The following CTIF variants were observed in gnomAD, a reference collection of about 807,000 sequenced individuals.
CTIF encodes CBP80/20-dependent translation initiation factor.
Under a neutral mutation model 66.0 loss-of-function variants are expected in CTIF, and 21 were observed. The ratio of observed to expected loss-of-function variants is 0.32; its 90% CI spans 0.23 to 0.46. The LOEUF (loss-of-function observed/expected upper bound fraction) is 0.46, where lower values mean the gene tolerates loss of function less well. Ranked by LOEUF, CTIF falls within the 20% of genes least tolerant of loss-of-function variation. CTIF has a pLI of 1.00. For missense variants in CTIF, 739 were observed against 812.7 expected (o/e 0.91, Z 1.10); for synonymous variants, 345 against 326.4 (o/e 1.06, Z -0.62).
chr18:48,733,824 A>G (rs34618417), intron 7 of CTIF, among the ~76,000 whole-genome samples: 23,021 of 151,952 alleles, frequency 0.15, 1,862 homozygotes, highest in South Asian at 0.2. Flanking sequence ...CTTGCTCCCA[A>G]CTCACCCTCG....
At chr18:48,701,427 T>TGTTCAAGTCTTTCCTGG (rs1231310822) in intron 6 of CTIF, among the ~76,000 whole-genome samples, 1 of 152,224 alleles carries the variant, frequency 6.6e-6, no homozygotes, top group Non-Finnish European at 1.5e-5. Context: ...AAGTGGCCTG[T>TGTTCAAGTCTTTCCTGG]GTTCAAGTCT....
intron 3 of CTIF, among the ~76,000 whole-genome samples, chr18:48,651,763 T>C (rs2091159502): frequency 6.6e-6 from 1 of 152,196 alleles, no homozygotes; most frequent in African/African-American, 2.4e-5. Flanking sequence ...CACAACAAAC[T>C]GTCTCTCAGA....
At chr18:48,753,584 C>T (rs576341531) in intron 7 of CTIF, among the ~76,000 whole-genome samples, 3 of 150,888 alleles carry the variant, frequency 2.0e-5, no homozygotes, top group Non-Finnish European at 3.0e-5. Context: ...AAGCATAAAC[C>T]GACAATTTCC....
At chr18:48,741,910 C>T (rs2092558391) in intron 7 of CTIF, among the ~76,000 whole-genome samples, 1 of 152,188 alleles carries the variant, frequency 6.6e-6, no homozygotes, top group Admixed American at 6.5e-5. Context: ...CCACTGGGAC[C>T]AAGGGCTTGA....
At chr18:48,591,623 A>T (rs931159250) in intron 1 of CTIF, among the ~76,000 whole-genome samples, 1 of 152,220 alleles carries the variant, frequency 6.6e-6, no homozygotes, top group Non-Finnish European at 1.5e-5. Context: ...GCATTTCCTC[A>T]TGCAACCCTG....
At chr18:48,667,052 C>T (rs2091448765) in intron 5 of CTIF, among the ~76,000 whole-genome samples, 1 of 151,334 alleles carries the variant, frequency 6.6e-6, no homozygotes. Context: ...CCTGCTGGGT[C>T]CCTGCATGGT....
intron 7 of CTIF, among the ~76,000 whole-genome samples, chr18:48,740,332 C>T (rs370589609): frequency 6.6e-6 from 1 of 152,240 alleles, no homozygotes; most frequent in African/African-American, 2.4e-5. Flanking sequence ...CTGCCCTTCC[C>T]CCTACCATCG....
At chr18:48,722,792 G>A (rs886829587) in intron 7 of CTIF, among the ~76,000 whole-genome samples, 3 of 152,294 alleles carry the variant, frequency 2.0e-5, no homozygotes, top group Middle Eastern at 6.8e-3. Flanking sequence ...ACAGGTGTAA[G>A]CACCCGGCCA....
At chr18:48,801,061 C>T (rs1394382623) in intron 9 of CTIF, among the ~76,000 whole-genome samples, 1 of 152,180 alleles carries the variant, frequency 6.6e-6, no homozygotes, top group Non-Finnish European at 1.5e-5. Context: ...CAGACCGGAT[C>T]TCAGAACGAA....
At chr18:48,727,652 C>G (rs956308862) in intron 7 of CTIF, among the ~76,000 whole-genome samples, 2 of 152,242 alleles carry the variant, frequency 1.3e-5, no homozygotes, top group African/African-American at 4.8e-5. Flanking sequence ...CGCTGGGCTT[C>G]TGCTGAGGGA....
intron 7 of CTIF, among the ~76,000 whole-genome samples, chr18:48,731,039 G>A (rs1296913184): frequency 6.6e-6 from 1 of 152,142 alleles, no homozygotes; most frequent in East Asian, 1.9e-4. Flanking sequence ...GGGTCTGGGG[G>A]CCAGGGAAAA....
At chr18:48,568,970 C>G (rs1022650127) in intron 1 of CTIF, among the ~76,000 whole-genome samples, 2 of 152,168 alleles carry the variant, frequency 1.3e-5, no homozygotes, top group Admixed American at 1.3e-4. Flanking sequence ...CAACCCAGAT[C>G]AGTTGCTCTC....
rs531947689 is a variant in CTIF, at chr18:48,831,951, G to GC, written c.1527+14576dup. Among the ~76,000 whole-genome samples the GC allele has an allele frequency of 4.1e-3, 623 of 152,308 alleles. 5 individuals are homozygous for GC. Among genetic ancestry groups the GC allele is most frequent in the African/African-American group, 0.014 (578 of 41,558 alleles). ...GCCTGTGGCTATTACGCTGGACCAG[G>GC]CGGTCTGGAGGCAGCTTCTGGAATC... On this transcript the variant is annotated intron_variant, in intron 10 of 11. Transcript: ENST00000256413.
intron 1 of CTIF, among the ~76,000 whole-genome samples, chr18:48,556,930 T>C (rs146616800): frequency 1.3e-4 from 20 of 152,330 alleles, no homozygotes; most frequent in African/African-American, 4.6e-4. Context: ...AGCTATGAGA[T>C]TGGCATAACA....
At chr18:48,572,353 C>T (rs949350421) in intron 1 of CTIF, among the ~76,000 whole-genome samples, 8 of 152,230 alleles carry the variant, frequency 5.3e-5, no homozygotes, top group Middle Eastern at 3.4e-3. Context: ...CAAGTCAATA[C>T]GTAGAATTAA....
chr18:48,757,097 T>C (rs570794519), intron 7 of CTIF, among the ~76,000 whole-genome samples: 2 of 152,300 alleles, frequency 1.3e-5, no homozygotes, highest in East Asian at 3.9e-4. Context: ...CCATGTGGTC[T>C]TTCTTCTGGG....
intron 5 of CTIF, 45 bp downstream of exon 5, chr18:48,664,596 GA>G: frequency 6.4e-7 from 1 of 1,551,798 alleles, no homozygotes; most frequent in Non-Finnish European, 8.8e-7. Context: ...TGGGGCAGGG[GA>G]CGGGAGTGGC....
At chr18:48,819,245 G>A (rs760746442) in intron 10 of CTIF, among the ~76,000 whole-genome samples, 1 of 152,232 alleles carries the variant, frequency 6.6e-6, no homozygotes, top group Non-Finnish European at 1.5e-5. Flanking sequence ...AGCTCAGAAT[G>A]CAGCTCCAGG....
In CTIF at chr18:48,617,388, TTTAATTTTG is replaced by T. The variant is rs1373197522; in HGVS notation, c.-28-2148_-28-2140del. 4.6e-5 allele frequency among the ~76,000 whole-genome samples: 7 copies of T among 152,390 alleles called. No individual in the cohort carries two copies. In the South Asian group the frequency reaches 1.4e-3, roughly 32 times the overall value. ...TATCTTAAAGTCGACTAATTTGGGA[TTTAATTTTG>T]TCTGCAAAATCCCTTCCCAAGGGTA... On this transcript the variant is annotated intron_variant, in intron 1 of 11. Transcript: ENST00000256413.
Sources: allele counts gnomAD v4.1 joint callset (sites outside exome capture counted in the v4.1 genomes callset), GRCh38; gene constraint gnomAD v4.1.1; transcripts MANE v1.5; gene names NCBI Gene and HGNC (gene_info 2026-07-23, HGNC 2026-07-21).